STPG2: variants seen among roughly 807,000 people sequenced by gnomAD.
STPG2 encodes the protein sperm tail PG-rich repeat containing 2, also known as sperm-tail PG-rich repeat-containing protein 2.
STPG2 carries 56 observed loss-of-function variants against 54.2 expected under a neutral mutation model. The observed-to-expected ratio is 1.03, with a 90% CI of 0.83 to 1.29. The LOEUF (loss-of-function observed/expected upper bound fraction) is 1.29, where lower values mean the gene tolerates loss of function less well. Among genes scored for constraint, STPG2 ranks in the 50% most tolerant of loss-of-function variants. STPG2 has a pLI of 0.00. For missense variants in STPG2, 596 were observed against 544.9 expected (o/e 1.09, Z -0.93); for synonymous variants, 200 against 181.8 (o/e 1.10, Z -0.81).
intron 7 of STPG2, among the ~76,000 whole-genome samples, chr4:97,958,318 A>G (rs1733762885): frequency 6.6e-6 from 1 of 151,904 alleles, no homozygotes; most frequent in Admixed American, 6.6e-5. Flanking sequence ...TCAAAAAAAA[A>G]GAAAAGTAAA....
intron 9 of STPG2, among the ~76,000 whole-genome samples, chr4:97,738,946 T>A (rs978274024): frequency 6.6e-6 from 1 of 152,068 alleles, no homozygotes; most frequent in African/African-American, 2.4e-5. Context: ...ATTCCAAAAT[T>A]GACCAAATAG....
At chr4:97,972,135 T>C (rs1734348952) in intron 7 of STPG2, 145 bp downstream of exon 7, 2 of 480,430 alleles carry the variant, frequency 4.2e-6, no homozygotes, top group Non-Finnish European at 7.0e-6. Flanking sequence ...ATGTTCAATA[T>C]TTCTCCTACT....
chr4:97,535,060 T>A (rs1439024734), intron 4 of STPG2, among the ~76,000 whole-genome samples: 1 of 152,200 alleles, frequency 6.6e-6, no homozygotes, highest in Non-Finnish European at 1.5e-5. Flanking sequence ...TTTGAGAAAT[T>A]ATGAACAACA....
chr4:97,889,706 G>A (rs1168510483), intron 8 of STPG2, among the ~76,000 whole-genome samples: 2 of 152,002 alleles, frequency 1.3e-5, no homozygotes, highest in African/African-American at 2.4e-5. Flanking sequence ...GGGACGTGCT[G>A]GTCAAATGCT....
chr4:97,817,408 G>C (rs764158951), intron 9 of STPG2, among the ~76,000 whole-genome samples: 1 of 151,792 alleles, frequency 6.6e-6, no homozygotes, highest in Non-Finnish European at 1.5e-5. Flanking sequence ...TAAATGTCAC[G>C]ATAAAATTGT....
chr4:98,084,441 T>C (rs909943998), intron 5 of STPG2, among the ~76,000 whole-genome samples: 6 of 152,238 alleles, frequency 3.9e-5, no homozygotes, highest in Admixed American at 3.9e-4. Context: ...TATAAGTATT[T>C]GGTGAACATA....
At chr4:97,515,914 A>G (rs1731066698) in intron 4 of STPG2, among the ~76,000 whole-genome samples, 1 of 152,124 alleles carries the variant, frequency 6.6e-6, no homozygotes, top group African/African-American at 2.4e-5. Context: ...TTGTTTTTAC[A>G]TTGTAATACT....
chr4:98,013,248 T>G (rs1177995308), intron 5 of STPG2, among the ~76,000 whole-genome samples: 1 of 152,236 alleles, frequency 6.6e-6, no homozygotes, highest in Non-Finnish European at 1.5e-5. Context: ...TGTGATGGAT[T>G]ACATTTATTC....
intron 5 of STPG2, among the ~76,000 whole-genome samples, chr4:98,103,919 CCCAT>C (rs1739117845): frequency 6.6e-6 from 1 of 152,074 alleles, no homozygotes; most frequent in Admixed American, 6.6e-5. Flanking sequence ...AGTATCTCTA[CCCAT>C]AATTTCTATT....
intron 1 of STPG2, among the ~76,000 whole-genome samples, chr4:98,137,481 T>C (rs1048146384): frequency 6.6e-6 from 1 of 151,894 alleles, no homozygotes; most frequent in African/African-American, 2.4e-5. Context: ...ATTTTTTAAC[T>C]GAATATCTTC....
chr4:97,777,168 C>A (rs1473844425), intron 9 of STPG2, among the ~76,000 whole-genome samples: 1 of 152,114 alleles, frequency 6.6e-6, no homozygotes, highest in Non-Finnish European at 1.5e-5. Context: ...CCAAGAAAAA[C>A]TTCACAAAAA....
intron 4 of STPG2, among the ~76,000 whole-genome samples, chr4:97,549,546 C>G (rs1238003174): frequency 6.6e-6 from 1 of 152,086 alleles, no homozygotes; most frequent in South Asian, 2.1e-4. Context: ...AAGATACATT[C>G]CCCCAGAACC....
At chr4:97,856,564 A>G (rs1397270397) in intron 8 of STPG2, among the ~76,000 whole-genome samples, 2 of 152,210 alleles carry the variant, frequency 1.3e-5, no homozygotes, top group African/African-American at 2.4e-5. Context: ...TTTTGGTCTG[A>G]GACAGTGAGA....
chr4:97,919,000 T>G (rs1731994390), intron 8 of STPG2, among the ~76,000 whole-genome samples: 2 of 152,138 alleles, frequency 1.3e-5, no homozygotes, highest in Non-Finnish European at 2.9e-5. Flanking sequence ...TTTAATAGAT[T>G]GAAATAATTG....
At chr4:97,573,375 A>G (rs1184950519) in intron 10 of STPG2, among the ~76,000 whole-genome samples, 1 of 152,078 alleles carries the variant, frequency 6.6e-6, no homozygotes, top group Non-Finnish European at 1.5e-5. Flanking sequence ...TAACAGACCA[A>G]TTCTGGCAAT....
At position 97,884,003 on chromosome 4, in the gene STPG2, C is replaced by T. The variant is rs191488748; in HGVS notation, c.1045-43071G>A. 1.3e-3 allele frequency among the ~76,000 whole-genome samples: 205 copies of T among 151,876 alleles called. 1 individual carries two copies. Among genetic ancestry groups the T allele is most frequent in the African/African-American group, 4.7e-3 (195 of 41,424 alleles). ...GGCAAAGATGGGGAAGAAGTTTTTG[C>T]GGGGGTGGGGAGAAGTGCTCTGCAC... is the stretch of plus-strand genomic sequence containing the variant. On this transcript the variant is annotated intron_variant, in intron 8 of 10. Coordinates refer to ENST00000295268, the MANE Select transcript of STPG2 (RefSeq NM_174952.3).
intron 10 of STPG2, among the ~76,000 whole-genome samples, chr4:97,589,192 A>ATG (rs1297583369): frequency 6.6e-6 from 1 of 152,012 alleles, no homozygotes; most frequent in African/African-American, 2.4e-5. Flanking sequence ...ATGTTTTTGT[A>ATG]TGTGCATATA....
rs1459588533 is a variant in STPG2 at position 97,736,717 on chromosome 4, T to C, written c.1205-23903A>G. On this transcript the variant is annotated intron_variant, in intron 9 of 10. Coordinates refer to ENST00000295268, the MANE Select transcript of STPG2 (RefSeq NM_174952.3). ...AACAAAGGAGCCGGGAAGCTCGAAC[T>C]GGGTGGAGCCCACCACAGCTCAAGG... Among the ~76,000 whole-genome samples, 3 of 152,192 alleles carry C rather than the reference T, an allele frequency of 2.0e-5. No homozygotes were observed. The South Asian group carries it at 6.2e-4, about 31-fold the overall frequency.
At chr4:97,564,465 A>G (rs1732364716) in intron 10 of STPG2, among the ~76,000 whole-genome samples, 1 of 152,128 alleles carries the variant, frequency 6.6e-6, no homozygotes, top group Admixed American at 6.5e-5. Context: ...TGTGTATTTG[A>G]GCCTGTCATT....
Sources: allele counts gnomAD v4.1 joint callset (sites outside exome capture counted in the v4.1 genomes callset), GRCh38; gene constraint gnomAD v4.1.1; transcripts MANE v1.5; gene names NCBI Gene and HGNC (gene_info 2026-07-23, HGNC 2026-07-21).